CELF4: variants seen among roughly 807,000 people sequenced by gnomAD.
CELF4 encodes the protein CUGBP Elav-like family member 4.
In CELF4, 18 loss-of-function variants were observed where a neutral mutation model predicts 59.9. That is an observed-to-expected ratio of 0.30 (90% CI 0.21 to 0.45). The LOEUF is 0.45. Among genes scored for constraint, CELF4 ranks in the 20% least tolerant of loss-of-function variants. The pLI, the probability that CELF4 is intolerant of heterozygous loss-of-function variation, is 1.00. For missense variants in CELF4, 456 were observed against 689.0 expected (o/e 0.66, Z 3.79); for synonymous variants, 261 against 267.1 (o/e 0.98, Z 0.22).
intron 1 of CELF4, among the ~76,000 whole-genome samples, chr18:37,487,919 C>G (rs1419007059): frequency 1.3e-5 from 2 of 152,136 alleles, no homozygotes; most frequent in African/African-American, 4.8e-5. Context: ...TATTGTGAAC[C>G]AAAATCTTTC....
intron 2 of CELF4, among the ~76,000 whole-genome samples, chr18:37,325,671 T>TG (rs1359019434): frequency 6.6e-6 from 1 of 152,200 alleles, no homozygotes; most frequent in African/African-American, 2.4e-5. Flanking sequence ...AGTTTTACTG[T>TG]GGGCTTTCTG....
chr18:37,467,211 G>C (rs1603641902), intron 2 of CELF4, among the ~76,000 whole-genome samples: 4 of 152,132 alleles, frequency 2.6e-5, no homozygotes, highest in Admixed American at 1.3e-4. Flanking sequence ...TTCCACATCA[G>C]AGTGCCCTCC....
intron 2 of CELF4, among the ~76,000 whole-genome samples, chr18:37,467,050 G>A (rs1182196700): frequency 1.3e-5 from 2 of 152,144 alleles, no homozygotes; most frequent in African/African-American, 4.8e-5. Context: ...ATCACAAGAT[G>A]AGTGACTGAG....
chr18:37,335,170 A>G (rs932953759), intron 2 of CELF4, among the ~76,000 whole-genome samples: 30 of 152,160 alleles, frequency 2.0e-4, no homozygotes, highest in African/African-American at 6.3e-4. Context: ...TCCAGACAAC[A>G]GCCGCGCACC....
intron 1 of CELF4, among the ~76,000 whole-genome samples, chr18:37,544,234 C>T (rs1013355246): frequency 2.8e-4 from 43 of 151,336 alleles, no homozygotes; most frequent in Non-Finnish European, 5.0e-4. Flanking sequence ...GATGCTCCAC[C>T]GAAATCACTG....
chr18:37,378,841 G>C (rs889844035), intron 2 of CELF4, among the ~76,000 whole-genome samples: 1 of 152,198 alleles, frequency 6.6e-6, no homozygotes, highest in Non-Finnish European at 1.5e-5. Context: ...GGACAGCATG[G>C]ATGGGGCAGC....
At chr18:37,309,103 G>A (rs568625032) in intron 3 of CELF4, among the ~76,000 whole-genome samples, 1 of 152,292 alleles carries the variant, frequency 6.6e-6, no homozygotes, top group South Asian at 2.1e-4. Context: ...GGCATGAGAA[G>A]CTAAAGAACC....
intron 1 of CELF4, among the ~76,000 whole-genome samples, chr18:37,506,479 C>A (rs1209668258): frequency 1.3e-5 from 2 of 152,120 alleles, no homozygotes; most frequent in African/African-American, 4.8e-5. Context: ...GGACAAGTGA[C>A]CTCATGGGCA....
At chr18:37,284,442 C>T (rs1203222540) in intron 3 of CELF4, among the ~76,000 whole-genome samples, 1 of 152,170 alleles carries the variant, frequency 6.6e-6, no homozygotes, top group Non-Finnish European at 1.5e-5. Context: ...CCATTCTTCT[C>T]GCCTGCGCCT....
At chr18:37,372,255 G>A (rs1603630189) in intron 2 of CELF4, among the ~76,000 whole-genome samples, 1 of 152,200 alleles carries the variant, frequency 6.6e-6, no homozygotes, top group Non-Finnish European at 1.5e-5. Context: ...TGATAGACTG[G>A]ATTAAGAAAA....
intron 2 of CELF4, among the ~76,000 whole-genome samples, chr18:37,331,161 G>A (rs537727501): frequency 2.0e-5 from 3 of 152,146 alleles, no homozygotes; most frequent in Non-Finnish European, 4.4e-5. Flanking sequence ...GCCTGGGCGG[G>A]GCTGGCTGTC....
intron 3 of CELF4, among the ~76,000 whole-genome samples, chr18:37,310,992 T>C (rs1436382518): frequency 6.6e-6 from 1 of 152,176 alleles, no homozygotes; most frequent in Non-Finnish European, 1.5e-5. Context: ...TTCCTATTCC[T>C]GGGCACACAG....
At chr18:37,313,160 C>T (rs933601952) in intron 3 of CELF4, among the ~76,000 whole-genome samples, 2 of 152,200 alleles carry the variant, frequency 1.3e-5, no homozygotes, top group South Asian at 2.1e-4. Context: ...ATCCCAGGGT[C>T]TCCCAGGCAG....
At chr18:37,426,694 C>G (rs1045318015) in intron 2 of CELF4, among the ~76,000 whole-genome samples, 2 of 152,162 alleles carry the variant, frequency 1.3e-5, no homozygotes, top group African/African-American at 4.8e-5. Flanking sequence ...GCGGGGCAGC[C>G]TGCCCAGGCG....
intron 2 of CELF4, among the ~76,000 whole-genome samples, chr18:37,452,723 TA>T (rs1463949743): frequency 6.6e-6 from 1 of 152,152 alleles, no homozygotes; most frequent in Non-Finnish European, 1.5e-5. Flanking sequence ...TATTTGTAAA[TA>T]AGTAAAGGTG....
chr18:37,495,327 C>T (rs2154603657), intron 1 of CELF4, among the ~76,000 whole-genome samples: 1 of 152,284 alleles, frequency 6.6e-6, no homozygotes, highest in Admixed American at 6.5e-5. Flanking sequence ...TAGGCATCTT[C>T]ACTTGTTTGG....
intron 2 of CELF4, among the ~76,000 whole-genome samples, chr18:37,401,229 G>A (rs994873075): frequency 6.6e-6 from 1 of 152,224 alleles, no homozygotes; most frequent in Admixed American, 6.5e-5. Context: ...ACATGGAGAT[G>A]TTCATTGCAA....
At chr18:37,440,455 A>G (rs2099708986) in intron 2 of CELF4, among the ~76,000 whole-genome samples, 1 of 152,210 alleles carries the variant, frequency 6.6e-6, no homozygotes. Flanking sequence ...GTCCCAGGGC[A>G]GCCCTGATTT....
chr18:37,312,410 G>T (rs1008280733), intron 3 of CELF4, among the ~76,000 whole-genome samples: 3 of 152,200 alleles, frequency 2.0e-5, no homozygotes, highest in Non-Finnish European at 4.4e-5. Context: ...ACCACGGACT[G>T]CCCGGCCATG....
Sources: allele counts gnomAD v4.1 joint callset (sites outside exome capture counted in the v4.1 genomes callset), GRCh38; gene constraint gnomAD v4.1.1; transcripts MANE v1.5; gene names NCBI Gene and HGNC (gene_info 2026-07-23, HGNC 2026-07-21).